Variants in METTL2B observed in about 807,000 individuals in gnomAD.
METTL2B encodes the protein tRNA N(3)-cytidine methyltransferase METTL2B.
METTL2B carries 28 observed loss-of-function variants against 51.0 expected under a neutral mutation model. The observed-to-expected ratio is 0.55, with a 90% CI of 0.41 to 0.75. The LOEUF (loss-of-function observed/expected upper bound fraction) is 0.75. Ranked by LOEUF, METTL2B falls within the 30% of genes least tolerant of loss-of-function variation. The pLI is 0.00. For synonymous variants in METTL2B, 128 were observed against 166.3 expected, an observed-to-expected ratio of 0.77 and a Z score of 1.77; for missense variants, 313 against 460.7, an observed-to-expected ratio of 0.68 and a Z score of 2.93.
intron 6 of METTL2B, 23 bp from the exon 7 acceptor site, chr7:128,498,013 T>G (rs1383066800): frequency 3.1e-6 from 5 of 1,612,184 alleles, no homozygotes; most frequent in Middle Eastern, 3.3e-4. Context: ...CCTGATTAAC[T>G]ATAATTCCCT....
At chr7:128,501,728 A>G (rs1183039147) in intron 8 of METTL2B, 34 bp from the exon 9 acceptor site, 1 of 1,608,106 alleles carries the variant, frequency 6.2e-7, no homozygotes, top group Non-Finnish European at 8.5e-7. Context: ...TCTTGAGGGG[A>G]AAATGCATAA....
In METTL2B at chr7:128,506,226, A is replaced by G. The variant is rs1462016477; in HGVS notation, c.*4310A>G. 1 of 152,290 alleles carries G rather than the reference A, an allele frequency of 6.6e-6. No individual in the cohort carries two copies. Among genetic ancestry groups the G allele is most frequent in the East Asian group, 1.9e-4 (1 of 5,186 alleles). The allele number at this position is 152,290 out of a possible 1,614,324, so 9.4% of individuals were successfully genotyped here. A position where few individuals can be genotyped will look rare whatever the true frequency, so the allele number is the denominator to read the frequency against. ...AACTGGAAAAAACTGAATCACTGGG[A>G]TGGTATTTCATTTATCTTTTGAAAT... On this transcript the variant is annotated 3_prime_UTR_variant, in exon 9 of 9. Coordinates refer to ENST00000262432, the MANE Select transcript of METTL2B (RefSeq NM_018396.3).
chr7:128,506,399 C>T lies in METTL2B; in HGVS notation c.*4483C>T, dbSNP rs1469071306. The T allele has an allele frequency of 2.0e-5, 3 of 152,310 alleles. No homozygotes were observed. Among genetic ancestry groups the T allele is most frequent in the African/African-American group, 7.2e-5 (3 of 41,576 alleles). The allele number at this position is 152,310 out of a possible 1,614,324, so 9.4% of individuals were successfully genotyped here. On this transcript the variant is annotated 3_prime_UTR_variant, in exon 9 of 9. Transcript: ENST00000262432. ...TTAGATTAAAAAGACGAGCCTTCTCCTGCCCCTGCTCCCTTTTATTCCCTG... is the reference window on the plus strand; with the variant it reads ...TTAGATTAAAAAGACGAGCCTTCTCTTGCCCCTGCTCCCTTTTATTCCCTG...
At chr7:128,498,669 A>C (rs1792970290) in intron 7 of METTL2B, among the ~76,000 whole-genome samples, 1 of 152,146 alleles carries the variant, frequency 6.6e-6, no homozygotes, top group African/African-American at 2.4e-5. Flanking sequence ...TTTTTAAGCA[A>C]GACAGCTACC....
intron 5 of METTL2B, among the ~76,000 whole-genome samples, chr7:128,491,249 G>T (rs1204740497): frequency 1.3e-5 from 2 of 151,724 alleles, no homozygotes; most frequent in African/African-American, 2.4e-5. Flanking sequence ...TTGAGGTCAG[G>T]AGTTCAAGAC....
rs1190562476 is a variant in METTL2B, at chr7:128,504,920, G to A, written c.*3004G>A. The stretch of plus-strand genomic sequence containing the variant: ...TCGAGACCAGCCTGACCAACATGGA[G>A]AAACCCCGTCTCTACTAAAAATACA... On this transcript the variant is annotated 3_prime_UTR_variant, in exon 9 of 9. Transcript: ENST00000262432. 6.6e-6 allele frequency: 1 copy of A among 151,848 alleles called. No individual in the cohort carries two copies. Among genetic ancestry groups the A allele is most frequent in the Non-Finnish European group, 1.5e-5 (1 of 68,070 alleles). The allele number at this position is 151,848 out of a possible 1,614,324, so 9.4% of individuals were successfully genotyped here.
chr7:128,488,389 T>A (rs1271059240), intron 5 of METTL2B: 1 of 712,254 alleles, frequency 1.4e-6, no homozygotes, highest in Non-Finnish European at 2.5e-6. Context: ...CAACCCTGCA[T>A]CAAGCAAGCC....
At chr7:128,487,080 G>C (rs549898648) in intron 4 of METTL2B, among the ~76,000 whole-genome samples, 2 of 152,194 alleles carry the variant, frequency 1.3e-5, no homozygotes, top group African/African-American at 2.4e-5. Flanking sequence ...CGTGTGAAAC[G>C]TATCTAATGG....
chr7:128,489,514 G>A (rs1792785249), intron 5 of METTL2B, among the ~76,000 whole-genome samples: 2 of 151,954 alleles, frequency 1.3e-5, no homozygotes, highest in Non-Finnish European at 1.5e-5. Flanking sequence ...TCAGTAAGTT[G>A]TAATCTTTGC....
chr7:128,502,054 C>T lies in METTL2B; in HGVS notation c.*138C>T. 1 of 1,282,934 alleles carries T rather than the reference C, an allele frequency of 7.8e-7. No homozygotes were observed. The highest frequency in any genetic ancestry group is 1.6e-5 in the South Asian group (1 of 62,830). The allele number at this position is 1,282,934 out of a possible 1,614,324, so 79.5% of individuals were successfully genotyped here. On this transcript the variant is annotated 3_prime_UTR_variant, in exon 9 of 9. Transcript: ENST00000262432. ...TGAGGCAGGGAGGATCCATTGAGCC[C>T]AGGAGTCCAGCCTGGGCAAAATAGC...
rs530160162 is a variant in METTL2B at position 128,493,881 on chromosome 7, G to A, written c.747G>A (p.Val249=). 5.0e-6 allele frequency: 8 copies of A among 1,612,376 alleles called. No individual in the cohort carries two copies. In the East Asian group the frequency reaches 8.9e-5, roughly 18 times the overall value. ...DLCDEEKSYP[V]PKGSLDIIIL... ...GTGATGAAGAGAAGAGTTACCCAGT[G>A]CCCAAGGGCAGTCTTGATATTATCA... is the stretch of plus-strand genomic sequence containing the variant. The change falls in exon 6 of 9, where the codon GTG becomes GTA. Residue 249 remains valine (V), a synonymous_variant. Coordinates refer to ENST00000262432, the MANE Select transcript of METTL2B (RefSeq NM_018396.3).
chr7:128,485,294 A>C (rs936701193), intron 4 of METTL2B, among the ~76,000 whole-genome samples: 1 of 152,172 alleles, frequency 6.6e-6, no homozygotes, highest in African/African-American at 2.4e-5. Context: ...GCACTTTGGA[A>C]GGCCAAGGAG....
At chr7:128,488,863 G>T (rs1310216859) in intron 5 of METTL2B, among the ~76,000 whole-genome samples, 2 of 152,182 alleles carry the variant, frequency 1.3e-5, no homozygotes, top group Admixed American at 6.5e-5. Context: ...CCAGCACTTT[G>T]GGAGGCCAGG....
intron 4 of METTL2B, among the ~76,000 whole-genome samples, chr7:128,482,515 A>G (rs4731459): frequency 9.2e-5 from 14 of 151,934 alleles, no homozygotes; most frequent in African/African-American, 1.5e-4. Flanking sequence ...ACCAACACCA[A>G]ATATATTTAT....
At chr7:128,488,194 T>G (rs746982715) in intron 5 of METTL2B, 33 bp downstream of exon 5, 2 of 1,607,734 alleles carry the variant, frequency 1.2e-6, no homozygotes, top group Non-Finnish European at 1.7e-6. Context: ...TATTGGTAAT[T>G]TCCACTGATT....
chr7:128,489,302 G>T (rs1023425020), intron 5 of METTL2B, among the ~76,000 whole-genome samples: 5 of 151,718 alleles, frequency 3.3e-5, no homozygotes, highest in Non-Finnish European at 4.4e-5. Context: ...CAGGCATGGT[G>T]GTGGGCACCT....
intron 6 of METTL2B, among the ~76,000 whole-genome samples, chr7:128,495,493 C>T (rs1792909039): frequency 6.6e-6 from 1 of 152,030 alleles, no homozygotes; most frequent in African/African-American, 2.4e-5. Flanking sequence ...CTCTGTTGCC[C>T]AGGCTGGAGT....
rs5020395 is a variant in METTL2B, at chr7:128,501,661, C to T, written c.983-101C>T. 5.1e-3 allele frequency: 7,745 copies of T among 1,526,854 alleles called. 317 individuals carry two copies. The African/African-American group carries it at 0.092, about 18-fold the overall frequency. 94.6% of individuals were successfully genotyped at this position (1,526,854 alleles called of 1,614,324 possible). A position where few individuals can be genotyped will look rare whatever the true frequency, so the allele number is the denominator to read the frequency against. Reference sequence around the variant, plus strand: ...TAACCAAATGGCCATGTAAAAAACACGACAGCAACTTCCCAGAGCCCCATT... The same window carrying T: ...TAACCAAATGGCCATGTAAAAAACATGACAGCAACTTCCCAGAGCCCCATT... On this transcript the variant is annotated intron_variant, in intron 8 of 8. Transcript: ENST00000262432.
chr7:128,499,571 C>T (rs1212065385), intron 7 of METTL2B, among the ~76,000 whole-genome samples: 20 of 134,568 alleles, frequency 1.5e-4, no homozygotes, highest in African/African-American at 4.0e-4. Flanking sequence ...CAGGCTGAAG[C>T]GCAATGGCAC....
Sources: allele counts gnomAD v4.1 joint callset (sites outside exome capture counted in the v4.1 genomes callset), GRCh38; gene constraint gnomAD v4.1.1; transcripts MANE v1.5; gene names NCBI Gene and HGNC (gene_info 2026-07-23, HGNC 2026-07-21).